RAB3IP: variants seen among roughly 807,000 people sequenced by gnomAD.
RAB3IP encodes the protein rab-3A-interacting protein.
A neutral mutation model predicts 59.1 loss-of-function variants in RAB3IP; 36 were observed. The ratio of observed to expected loss-of-function variants is 0.61; its 90% CI spans 0.47 to 0.80. The LOEUF (loss-of-function observed/expected upper bound fraction) is 0.80, where lower values mean the gene tolerates loss of function less well. Among genes scored for constraint, RAB3IP ranks in the 30% least tolerant of loss-of-function variants. The pLI, the probability that RAB3IP is intolerant of heterozygous loss-of-function variation, is 0.00. For missense variants in RAB3IP, 511 were observed against 536.0 expected (o/e 0.95, Z 0.46); for synonymous variants, 207 against 191.2 (o/e 1.08, Z -0.68).
At chr12:69,797,473 C>CTTTT (rs1877620654) in intron 6 of RAB3IP, among the ~76,000 whole-genome samples, 1 of 51,562 alleles carries the variant, frequency 1.9e-5, no homozygotes, top group Non-Finnish European at 4.0e-5. Flanking sequence ...TTTTTCTTTT[C>CTTTT]TTTCTTTTTT....
intron 5 of RAB3IP, 76 bp downstream of exon 5, chr12:69,794,590 A>G: frequency 2.5e-6 from 3 of 1,186,174 alleles, no homozygotes; most frequent in Non-Finnish European, 3.6e-6. Context: ...CATCTGTTGG[A>G]TTTTGTTCTG....
At chr12:69,744,314 A>C (rs1437514739) in intron 1 of RAB3IP, among the ~76,000 whole-genome samples, 1 of 152,170 alleles carries the variant, frequency 6.6e-6, no homozygotes, top group Non-Finnish European at 1.5e-5. Flanking sequence ...ATTACAAATA[A>C]TTATTTGTAA....
At chr12:69,739,918 G>A (rs1565861958) in intron 1 of RAB3IP, 1 of 1,589,020 alleles carries the variant, frequency 6.3e-7, no homozygotes. Context: ...ACTGATTACT[G>A]AGAGGCAATT....
intron 2 of RAB3IP, among the ~76,000 whole-genome samples, 195 bp downstream of exon 2, chr12:69,755,854 T>C (rs1026589714): frequency 3.9e-5 from 6 of 152,230 alleles, no homozygotes; most frequent in African/African-American, 1.2e-4. Flanking sequence ...GTAAATATTT[T>C]AGGCTTTGCA....
At chr12:69,810,443 A>G (rs1230465684) in intron 8 of RAB3IP, among the ~76,000 whole-genome samples, 1 of 152,162 alleles carries the variant, frequency 6.6e-6, no homozygotes, top group East Asian at 1.9e-4. Context: ...AAATGCAGAA[A>G]TCACCCGTCT....
chr12:69,765,580 GA>G (rs1260514909), intron 3 of RAB3IP, among the ~76,000 whole-genome samples: 1 of 152,180 alleles, frequency 6.6e-6, no homozygotes, highest in Non-Finnish European at 1.5e-5. Context: ...GTTCACCAGG[GA>G]TATTGGCCTG....
intron 6 of RAB3IP, among the ~76,000 whole-genome samples, chr12:69,798,611 C>T (rs1018730073): frequency 2.6e-5 from 4 of 152,094 alleles, no homozygotes; most frequent in African/African-American, 4.8e-5. Flanking sequence ...TGCCTATGTC[C>T]TGAATGGTAT....
At chr12:69,761,366 T>C (rs898897330) in intron 3 of RAB3IP, among the ~76,000 whole-genome samples, 1 of 152,196 alleles carries the variant, frequency 6.6e-6, no homozygotes, top group Non-Finnish European at 1.5e-5. Flanking sequence ...GGGTGCACAT[T>C]TTGTTTTTCA....
intron 1 of RAB3IP, among the ~76,000 whole-genome samples, chr12:69,749,242 C>G (rs923959231): frequency 2.0e-5 from 3 of 152,156 alleles, no homozygotes; most frequent in Non-Finnish European, 4.4e-5. Flanking sequence ...CATAGGAGTG[C>G]GAACCGTATT....
chr12:69,748,748 C>T (rs1037503439), intron 1 of RAB3IP, among the ~76,000 whole-genome samples: 2 of 152,284 alleles, frequency 1.3e-5, no homozygotes, highest in East Asian at 3.9e-4. Flanking sequence ...TTGAATCACT[C>T]ATTGCTTAAT....
At chr12:69,767,410 T>C (rs767083760) in intron 3 of RAB3IP, among the ~76,000 whole-genome samples, 6 of 152,228 alleles carry the variant, frequency 3.9e-5, no homozygotes, top group Non-Finnish European at 7.3e-5. Flanking sequence ...CTGAGCTCCC[T>C]GCTCAGCTCC....
chr12:69,784,011 T>C (rs912781515), intron 3 of RAB3IP, among the ~76,000 whole-genome samples: 5 of 152,204 alleles, frequency 3.3e-5, no homozygotes, highest in Non-Finnish European at 7.3e-5. Context: ...GTGACTAATA[T>C]GTAAGGAGCT....
chr12:69,792,180 C>A (rs1273631017), intron 4 of RAB3IP, among the ~76,000 whole-genome samples: 1 of 152,014 alleles, frequency 6.6e-6, no homozygotes, highest in African/African-American at 2.4e-5. Context: ...AGATGTCGGT[C>A]ATTGGTACAA....
intron 3 of RAB3IP, among the ~76,000 whole-genome samples, chr12:69,757,663 C>G (rs552328312): frequency 6.6e-6 from 1 of 151,110 alleles, no homozygotes; most frequent in South Asian, 2.1e-4. Flanking sequence ...CAAATGTATT[C>G]CCACTCTTTC....
rs2136292984 is a variant in RAB3IP, at chr12:69,815,368, T to A, written c.1305T>A (p.Asp435Glu). The change falls in exon 11 of 11, where the codon GAT becomes GAA. Residue 435 changes from aspartate to glutamate, a missense_variant. Coordinates refer to ENST00000247833, the MANE Select transcript of RAB3IP (RefSeq NM_022456.5). ...CTCTCTTTTCTGTTTGTATAGTTGA[T>A]CAGATGTTTTGGGAGGTTATGCAGT... ...QQGLVKQQDV[D>E]QMFWEVMQLR... 1.2e-6 allele frequency: 2 copies of A among 1,603,148 alleles called. No individual in the cohort carries two copies. The highest frequency in any genetic ancestry group is 1.7e-6 in the Non-Finnish European group (2 of 1,170,264).
At chr12:69,755,299 A>C in intron 1 of RAB3IP, 85 bp from the exon 2 acceptor site, 3 of 1,215,314 alleles carry the variant, frequency 2.5e-6, no homozygotes, top group Non-Finnish European at 2.3e-6. Context: ...ATGGACTGTT[A>C]AACACATTTT....
intron 3 of RAB3IP, among the ~76,000 whole-genome samples, chr12:69,766,118 C>T (rs540883541): frequency 6.6e-6 from 1 of 152,330 alleles, no homozygotes; most frequent in African/African-American, 2.4e-5. Flanking sequence ...CTTGGACAGT[C>T]TGGTGACTAT....
Position 69,816,401 on chromosome 12 carries a change from G to A in RAB3IP, c.*955G>A, listed in dbSNP as rs967271879. The A allele has an allele frequency of 2.6e-5, 4 of 152,126 alleles. No individual in the cohort carries two copies. Among genetic ancestry groups the A allele is most frequent in the Non-Finnish European group, 4.4e-5 (3 of 68,020 alleles). 9.4% of individuals were successfully genotyped at this position (152,126 alleles called of 1,614,324 possible). ...CTGCTGTTAATATTTTTGGATAGTA[G>A]CCTTTCAGCTTTCAGATATTTTCTA... On this transcript the variant is annotated 3_prime_UTR_variant, in exon 11 of 11. Transcript: ENST00000247833.
In RAB3IP at chr12:69,816,571, A is replaced by C. The variant is rs907653133; in HGVS notation, c.*1125A>C. On this transcript the variant is annotated 3_prime_UTR_variant, in exon 11 of 11. Transcript: ENST00000247833. ...TAACATAATTTAATTGTGTTTGGAG[A>C]TGAGGTGGTTTTCAGTTTATTTTTC... 6.6e-6 allele frequency: 1 copy of C among 152,002 alleles called. No homozygotes were observed. Among genetic ancestry groups the C allele is most frequent in the Non-Finnish European group, 1.5e-5 (1 of 67,996 alleles). The allele number at this position is 152,002 out of a possible 1,614,324, so 9.4% of individuals were successfully genotyped here.
Sources: gnomAD v4.1 joint callset for allele counts (sites outside exome capture counted in the v4.1 genomes callset) on GRCh38, gnomAD v4.1.1 for gene constraint, MANE v1.5 for transcripts, NCBI Gene and HGNC (gene_info 2026-07-23, HGNC 2026-07-21) for gene names.